Variants in HDAC9 observed in about 807,000 individuals in gnomAD.
HDAC9 encodes the protein histone deacetylase 9.
HDAC9 carries 41 observed loss-of-function variants against 139.4 expected under a neutral mutation model. The observed-to-expected ratio is 0.29, with a 90% CI of 0.23 to 0.38. The LOEUF is 0.38. Ranked by LOEUF, HDAC9 falls within the 10% of genes least tolerant of loss-of-function variation. The pLI is 1.00. For synonymous variants in HDAC9, 517 were observed against 476.2 expected (o/e 1.09, Z -1.12); for missense variants, 1,147 against 1,297.0 (o/e 0.88, Z 1.78).
chr7:18,286,949 G>A (rs1170556498), upstream of HDAC9, among the ~76,000 whole-genome samples: 1 of 152,136 alleles, frequency 6.6e-6, no homozygotes, highest in Non-Finnish European at 1.5e-5. Context: ...TAATAAAAGA[G>A]ATAATGTAAT....
At chr7:18,669,091 A>G (rs1219994753) in intron 12 of HDAC9, among the ~76,000 whole-genome samples, 1 of 151,714 alleles carries the variant, frequency 6.6e-6, no homozygotes, top group Non-Finnish European at 1.5e-5. Context: ...TCCTTTTGCC[A>G]GTGTAAACTT....
chr7:18,472,291 C>T (rs1034209238), intron 1 of HDAC9, among the ~76,000 whole-genome samples: 1 of 152,186 alleles, frequency 6.6e-6, no homozygotes, highest in Non-Finnish European at 1.5e-5. Context: ...CTGTAATCTA[C>T]TCATCTCTGG....
At chr7:18,291,840 A>G (rs1797828666) in intron 1 of HDAC9, among the ~76,000 whole-genome samples, 1 of 152,100 alleles carries the variant, frequency 6.6e-6, no homozygotes, top group Non-Finnish European at 1.5e-5. Context: ...CTAAGCTCAC[A>G]GAGCAAGGAG....
At chr7:18,351,870 T>C (rs529952061) in intron 1 of HDAC9, among the ~76,000 whole-genome samples, 3 of 152,304 alleles carry the variant, frequency 2.0e-5, no homozygotes, top group African/African-American at 7.2e-5. Context: ...ATCAAGAAAT[T>C]ATTAGCCTTG....
At chr7:18,534,128 A>G (rs992358060) in intron 2 of HDAC9, among the ~76,000 whole-genome samples, 7 of 152,170 alleles carry the variant, frequency 4.6e-5, no homozygotes, top group African/African-American at 1.7e-4. Flanking sequence ...CATATTTAAA[A>G]TGAGCATTTG....
At chr7:18,184,432 T>A (rs1789747464) in intron 2 of HDAC9, among the ~76,000 whole-genome samples, 1 of 152,176 alleles carries the variant, frequency 6.6e-6, no homozygotes, top group African/African-American at 2.4e-5. Context: ...ATGAGCTATC[T>A]TGGGGATGAG....
chr7:18,130,688 T>G (rs1784946097), intron 1 of HDAC9, among the ~76,000 whole-genome samples: 1 of 152,126 alleles, frequency 6.6e-6, no homozygotes, highest in African/African-American at 2.4e-5. Context: ...AGGAAACCAC[T>G]AATGTACTTT....
chr7:18,451,476 G>A lies in HDAC9; in HGVS notation c.-41-44786G>A, dbSNP rs140900989. ...ATGTATATATATATGCATACATATA[G>A]GTGAGTATATTGGATTACATTAGAT... On this transcript the variant is annotated intron_variant, in intron 1 of 3. Transcript: ENST00000413509. 8.9e-3 allele frequency among the ~76,000 whole-genome samples: 1,331 copies of A among 149,002 alleles called. 25 individuals are homozygous for A. The highest frequency in any genetic ancestry group is 0.031 in the African/African-American group (1,268 of 40,428).
chr7:18,740,237 T>C (rs946818747), intron 13 of HDAC9, among the ~76,000 whole-genome samples: 1 of 152,198 alleles, frequency 6.6e-6, no homozygotes, highest in Non-Finnish European at 1.5e-5. Context: ...GGTGAGGTGA[T>C]GCCCTGCCCT....
At chr7:18,794,369 A>G (rs1792596900) in intron 17 of HDAC9, among the ~76,000 whole-genome samples, 1 of 152,206 alleles carries the variant, frequency 6.6e-6, no homozygotes, top group African/African-American at 2.4e-5. Flanking sequence ...GTGAATTTTT[A>G]TTCAATTACA....
intron 23 of HDAC9, chr7:18,949,280 G>A: frequency 5.1e-6 from 1 of 197,328 alleles, no homozygotes; most frequent in Non-Finnish European, 1.0e-5. Flanking sequence ...ATCTTCATTA[G>A]CAGCAAGTTT....
intron 6 of HDAC9, among the ~76,000 whole-genome samples, chr7:18,617,472 C>T (rs909198161): frequency 2.0e-5 from 3 of 151,952 alleles, no homozygotes; most frequent in African/African-American, 4.8e-5. Context: ...TCCAGATGCT[C>T]CTTGCTCTTA....
At chr7:18,310,848 A>ACACACACT (rs1240340334) in intron 1 of HDAC9, among the ~76,000 whole-genome samples, 1 of 137,646 alleles carries the variant, frequency 7.3e-6, no homozygotes, top group East Asian at 2.0e-4. Context: ...ACACACACAC[A>ACACACACT]CTCTCTTACT....
chr7:18,590,454 C>T lies in HDAC9; in HGVS notation c.383C>T (p.Pro128Leu). 2 of 1,603,956 alleles carry T rather than the reference C, an allele frequency of 1.2e-6. No homozygotes were observed. Among genetic ancestry groups the T allele is most frequent in the African/African-American group, 2.7e-5 (2 of 74,826 alleles). Residue 128 changes from proline (P) to leucine (L), a missense_variant, in exon 4 of 26, where the codon CCT (proline) becomes CTT (leucine). By Grantham distance (98) the Pro-to-Leu change is moderately conservative (BLOSUM62 -3). Coordinates refer to ENST00000686413, the MANE Select transcript of HDAC9 (RefSeq NM_178425.4). ...VERHRREQQL[P>L]PLRGKDRGRE... The stretch of plus-strand genomic sequence containing the variant: ...AGGCATCGCAGAGAACAGCAGCTTC[C>T]TCCTCTCAGAGGCAAAGATAGAGGA...
intron 16 of HDAC9, among the ~76,000 whole-genome samples, chr7:18,769,083 A>G (rs143839464): frequency 6.6e-6 from 1 of 152,256 alleles, no homozygotes; most frequent in East Asian, 1.9e-4. Context: ...CAGTGGGTTT[A>G]TCGGGACTCC....
At chr7:18,630,371 ATTTTTAG>A (rs1212438466) in intron 7 of HDAC9, among the ~76,000 whole-genome samples, 2 of 151,950 alleles carry the variant, frequency 1.3e-5, no homozygotes, top group African/African-American at 4.8e-5. Context: ...ATCAGATCTT[ATTTTTAG>A]TAAGTTTTAA....
At chr7:18,802,354 T>A (rs889924510) in intron 17 of HDAC9, among the ~76,000 whole-genome samples, 1 of 151,990 alleles carries the variant, frequency 6.6e-6, no homozygotes, top group African/African-American at 2.4e-5. Flanking sequence ...AATTTAAATA[T>A]AAGACATTCA....
intron 21 of HDAC9, among the ~76,000 whole-genome samples, chr7:18,852,782 A>G (rs1797395109): frequency 6.6e-6 from 1 of 152,140 alleles, no homozygotes; most frequent in African/African-American, 2.4e-5. Flanking sequence ...ATCTTGACAT[A>G]AAAATTCAAC....
At chr7:18,650,927 G>A (rs1214897462) in intron 11 of HDAC9, among the ~76,000 whole-genome samples, 1 of 152,092 alleles carries the variant, frequency 6.6e-6, no homozygotes, top group South Asian at 2.1e-4. Flanking sequence ...CATCAAGTTG[G>A]CATATTCACG....
Sources: allele counts gnomAD v4.1 joint callset (sites outside exome capture counted in the v4.1 genomes callset), GRCh38; gene constraint gnomAD v4.1.1; transcripts MANE v1.5; gene names NCBI Gene and HGNC (gene_info 2026-07-23, HGNC 2026-07-21).